NR5A2: variants seen among roughly 807,000 people sequenced by gnomAD.
NR5A2 encodes nuclear receptor subfamily 5 group A member 2.
Under a neutral mutation model 62.7 loss-of-function variants are expected in NR5A2, and 26 were observed. The observed-to-expected ratio is 0.41, with a 90% CI of 0.30 to 0.58. The LOEUF (loss-of-function observed/expected upper bound fraction) is 0.58, where lower values mean the gene tolerates loss of function less well. Ranked by LOEUF, NR5A2 falls within the 20% of genes least tolerant of loss-of-function variation. The probability of loss-of-function intolerance (pLI) is 0.22; values close to 1 mark genes in which losing one functional copy is unlikely to be tolerated. For missense variants in NR5A2, 541 were observed against 669.1 expected, an observed-to-expected ratio of 0.81 and a Z score of 2.11; for synonymous variants, 246 against 241.7, an observed-to-expected ratio of 1.02 and a Z score of -0.16.
chr1:200,068,469 A>G (rs1663598979), intron 5 of NR5A2, among the ~76,000 whole-genome samples: 2 of 152,174 alleles, frequency 1.3e-5, no homozygotes, highest in Non-Finnish European at 2.9e-5. Flanking sequence ...AAAATTGATA[A>G]TATTTTGTCT....
At chr1:200,100,947 T>C (rs1454668940) in intron 5 of NR5A2, among the ~76,000 whole-genome samples, 1 of 152,216 alleles carries the variant, frequency 6.6e-6, no homozygotes, top group Non-Finnish European at 1.5e-5. Context: ...ATTTTGGGGC[T>C]GATCCTGATC....
In NR5A2 at chr1:200,111,316, C is replaced by T; in HGVS notation, c.1225C>T (p.Gln409Ter). 6.5e-7 allele frequency: 1 copy of T among 1,540,828 alleles called. No individual in the cohort carries two copies. Among genetic ancestry groups the T allele is most frequent in the Non-Finnish European group, 8.7e-7 (1 of 1,144,738 alleles). The change falls in exon 6 of 8, where the codon CAA becomes TAA. Residue 409 changes from glutamine to a stop codon, truncating the protein, a stop_gained. Coordinates refer to ENST00000367362, the MANE Select transcript of NR5A2 (RefSeq NM_205860.3). LOFTEE classifies it high-confidence loss of function. ...KEGSIFLVTG[Q>*]QVDYSIIASQ... ...AGGATCCATCTTCCTGGTTACTGGG[C>T]AACAAGTGAGTGTAGAGACCAAAAA... is the stretch of plus-strand genomic sequence containing the variant.
chr1:200,112,923 G>A (rs2821328), intron 6 of NR5A2, among the ~76,000 whole-genome samples: 66,083 of 152,044 alleles, frequency 0.43, 14,733 homozygotes, highest in East Asian at 0.68. Context: ...GGTTTGTGCC[G>A]TTCTTTTTCT....
At chr1:200,134,439 A>G (rs182859017) in intron 7 of NR5A2, among the ~76,000 whole-genome samples, 9 of 152,296 alleles carry the variant, frequency 5.9e-5, no homozygotes, top group Admixed American at 3.3e-4. Flanking sequence ...ACAAATATTC[A>G]CTGTGTTACA....
intron 1 of NR5A2, among the ~76,000 whole-genome samples, chr1:200,034,455 G>T (rs1170725184): frequency 6.6e-6 from 1 of 152,170 alleles, no homozygotes; most frequent in Admixed American, 6.5e-5. Flanking sequence ...GGACCCCTGG[G>T]TTGGGACAAC....
intron 7 of NR5A2, among the ~76,000 whole-genome samples, chr1:200,121,815 CTTTA>C (rs1666492587): frequency 6.6e-6 from 1 of 152,104 alleles, no homozygotes; most frequent in African/African-American, 2.4e-5. Flanking sequence ...TATGTTTTTT[CTTTA>C]GTCTTCAGTT....
intron 7 of NR5A2, among the ~76,000 whole-genome samples, chr1:200,159,296 G>A (rs939603020): frequency 1.3e-5 from 2 of 152,150 alleles, no homozygotes; most frequent in Non-Finnish European, 2.9e-5. Flanking sequence ...TTAACAAGAT[G>A]AGAATTGAGG....
chr1:200,030,981 G>A (rs59350350), intron 1 of NR5A2, among the ~76,000 whole-genome samples: 18,954 of 152,128 alleles, frequency 0.12, 1,735 homozygotes, highest in African/African-American at 0.26. Flanking sequence ...TTTCATCAGC[G>A]GAAAGTGTGA....
intron 1 of NR5A2, among the ~76,000 whole-genome samples, chr1:200,038,213 A>G (rs1217629515): frequency 6.6e-6 from 1 of 152,226 alleles, no homozygotes; most frequent in Non-Finnish European, 1.5e-5. Flanking sequence ...CCTCGGCCTC[A>G]AGTGGATGGT....
intron 7 of NR5A2, among the ~76,000 whole-genome samples, chr1:200,127,709 AAT>A (rs71132667): frequency 0.13 from 3,059 of 23,120 alleles, 303 homozygotes; most frequent in East Asian, 0.18. Flanking sequence ...AAAAAAAAAA[AAT>A]ATATATATAT....
At chr1:200,044,902 T>C (rs1662285408) in intron 3 of NR5A2, among the ~76,000 whole-genome samples, 1 of 152,138 alleles carries the variant, frequency 6.6e-6, no homozygotes, top group Non-Finnish European at 1.5e-5. Flanking sequence ...CTTGAATGTA[T>C]TCCAGTGGAA....
At chr1:200,074,232 T>G (rs1663894727) in intron 5 of NR5A2, among the ~76,000 whole-genome samples, 2 of 152,202 alleles carry the variant, frequency 1.3e-5, no homozygotes, top group South Asian at 2.1e-4. Flanking sequence ...TGTTTTTTTC[T>G]TTTTGATAAT....
rs140561304 is a variant in NR5A2 at position 200,157,733 on chromosome 1, C to T, written c.1379-16230C>T. Among the ~76,000 whole-genome samples the T allele has an allele frequency of 2.7e-3, 404 of 152,302 alleles. 1 individual carries two copies. The highest frequency in any genetic ancestry group is 4.4e-3 in the Non-Finnish European group (296 of 68,008). On this transcript the variant is annotated intron_variant, in intron 7 of 7. Transcript: ENST00000367362. ...ATTTGGCTTTAATGATCTTGTTAGG[C>T]AACTAGTTTCCCTTCCCTTATAGTT...
chr1:200,045,683 C>A, intron 4 of NR5A2, 99 bp downstream of exon 4: 1 of 916,122 alleles, frequency 1.1e-6, no homozygotes, highest in Non-Finnish European at 1.6e-6. Context: ...ATTTTCCCAG[C>A]ATTTTAACAC....
chr1:200,106,910 A>G (rs1347681822), intron 5 of NR5A2, among the ~76,000 whole-genome samples: 1 of 152,212 alleles, frequency 6.6e-6, no homozygotes, highest in East Asian at 1.9e-4. Flanking sequence ...CTGCACACTC[A>G]CCAATTTCAA....
At chr1:200,153,420 G>A (rs1035261935) in intron 7 of NR5A2, among the ~76,000 whole-genome samples, 3 of 152,108 alleles carry the variant, frequency 2.0e-5, no homozygotes, top group Admixed American at 1.3e-4. Context: ...TGAGAATGTC[G>A]CAGCATCCCT....
chr1:200,132,277 T>C (rs968433930), intron 7 of NR5A2, among the ~76,000 whole-genome samples: 3 of 152,172 alleles, frequency 2.0e-5, no homozygotes, highest in African/African-American at 7.2e-5. Context: ...CCCAAAGTGC[T>C]GGGATTACAG....
At chr1:200,046,465 A>G (rs1571709476) in intron 4 of NR5A2, among the ~76,000 whole-genome samples, 2 of 152,332 alleles carry the variant, frequency 1.3e-5, no homozygotes, top group South Asian at 4.1e-4. Flanking sequence ...GCTAGATACA[A>G]GAGTGCATTT....
At chr1:200,034,928 T>C (rs3828114) in intron 1 of NR5A2, among the ~76,000 whole-genome samples, 2 of 151,158 alleles carry the variant, frequency 1.3e-5, no homozygotes, top group South Asian at 2.1e-4. Context: ...CTGTTTCTAA[T>C]ACAAAGCGCT....
Sources: gnomAD v4.1 joint callset for allele counts (sites outside exome capture counted in the v4.1 genomes callset) on GRCh38, gnomAD v4.1.1 for gene constraint, MANE v1.5 for transcripts, NCBI Gene and HGNC (gene_info 2026-07-23, HGNC 2026-07-21) for gene names.